DHX40: variants seen among roughly 807,000 people sequenced by gnomAD.
The protein encoded by DHX40 is probable ATP-dependent RNA helicase DHX40.
A neutral mutation model predicts 89.6 loss-of-function variants in DHX40; 28 were observed. That is an observed-to-expected ratio of 0.31 (90% confidence interval 0.23 to 0.43). DHX40 has a LOEUF of 0.43. Ranked by LOEUF, DHX40 falls within the 20% of genes least tolerant of loss-of-function variation. The probability of loss-of-function intolerance (pLI) is 1.00; values close to 1 mark genes in which losing one functional copy is unlikely to be tolerated. For synonymous variants in DHX40, 226 were observed against 283.6 expected (o/e 0.80, Z 2.04); for missense variants, 457 against 844.0 (o/e 0.54, Z 5.68).
At chr17:59,586,952 G>A (rs1283415188) in intron 11 of DHX40, among the ~76,000 whole-genome samples, 2 of 152,036 alleles carry the variant, frequency 1.3e-5, no homozygotes, top group East Asian at 3.9e-4. Flanking sequence ...CCAGTTGTTC[G>A]AGACAAGCCT....
chr17:59,602,835 G>A (rs1451842983), intron 15 of DHX40, among the ~76,000 whole-genome samples: 1 of 152,150 alleles, frequency 6.6e-6, no homozygotes, highest in Non-Finnish European at 1.5e-5. Flanking sequence ...TATGTTTGTA[G>A]GGTGGCTGTC....
rs762645262 is a variant in DHX40 at position 59,588,037 on chromosome 17, C to T, written c.1566C>T (p.Asn522=). ...TAGCAGCAATGTTGTCTGTGGAAAA[C>T]GTCTTCATTAGACCTGGTAAGATGT... ...LPIAAMLSVE[N]VFIRPVDPEY... Residue 522 remains asparagine, a synonymous_variant, in exon 12 of 18, where the codon AAC becomes AAT. Coordinates refer to ENST00000251241, the MANE Select transcript of DHX40 (RefSeq NM_024612.5). 1.5e-5 allele frequency: 24 copies of T among 1,613,290 alleles called. No individual in the cohort carries two copies. Among genetic ancestry groups the T allele is most frequent in the African/African-American group, 9.4e-5 (7 of 74,748 alleles).
In DHX40 at chr17:59,607,785, T is replaced by TA. The variant is rs1488788373; in HGVS notation, c.*616dup. Reference sequence around the variant, plus strand: ...TCTTTCTTGAATTAATATTAATCCTTAAATTGATTTTTCTGGGATTATACA... The same window carrying TA: ...TCTTTCTTGAATTAATATTAATCCTTAAAATTGATTTTTCTGGGATTATACA... On this transcript the variant is annotated 3_prime_UTR_variant, in exon 18 of 18. Coordinates refer to ENST00000251241, the MANE Select transcript of DHX40 (RefSeq NM_024612.5). 1 of 152,900 alleles carries TA rather than the reference T, an allele frequency of 6.5e-6. No individual in the cohort carries two copies. The highest frequency in any genetic ancestry group is 1.5e-5 in the Non-Finnish European group (1 of 68,360). 9.5% of individuals were successfully genotyped at this position (152,900 alleles called of 1,614,324 possible).
At chr17:59,568,504 C>T (rs2048740449) in intron 2 of DHX40, among the ~76,000 whole-genome samples, 1 of 152,084 alleles carries the variant, frequency 6.6e-6, no homozygotes, top group African/African-American at 2.4e-5. Context: ...TAATACCAAA[C>T]CCTGCATATA....
intron 12 of DHX40, among the ~76,000 whole-genome samples, chr17:59,597,664 C>T (rs1438456024): frequency 5.3e-5 from 8 of 151,684 alleles, no homozygotes; most frequent in Admixed American, 2.6e-4. Flanking sequence ...GGGCCGGGCA[C>T]GGTGGCTTAT....
Position 59,580,807 on chromosome 17 carries a change from C to A in DHX40, c.1343+928C>A, listed in dbSNP as rs998346714. ...CCTGTTTCAAAAGAAGGGGGCTGGG[C>A]GTGGTGGCTCACGTCTGTAATCCTA... is the stretch of plus-strand genomic sequence containing the variant. On this transcript the variant is annotated intron_variant, in intron 10 of 17. Transcript: ENST00000251241. 4.6e-3 allele frequency among the ~76,000 whole-genome samples: 699 copies of A among 150,610 alleles called. 3 individuals carry two copies. Among genetic ancestry groups the A allele is most frequent in the African/African-American group, 0.016 (642 of 40,540 alleles).
chr17:59,607,309 A>G lies in DHX40; in HGVS notation c.*137A>G. On this transcript the variant is annotated 3_prime_UTR_variant, in exon 18 of 18. Transcript: ENST00000251241. ...TGGCCTATGAACTAAAAGCAAATCAAAGCTCATAAATCAAAGCTCATCAGT... is the reference window on the plus strand; with the variant it reads ...TGGCCTATGAACTAAAAGCAAATCAGAGCTCATAAATCAAAGCTCATCAGT... The G allele has an allele frequency of 1.3e-6, 2 of 1,546,198 alleles. No individual in the cohort carries two copies. The highest frequency in any genetic ancestry group is 2.3e-5 in the South Asian group (2 of 87,332).
intron 16 of DHX40, 32 bp from the exon 17 acceptor site, chr17:59,605,414 G>A: frequency 6.3e-7 from 1 of 1,588,930 alleles, no homozygotes; most frequent in Non-Finnish European, 8.6e-7. Flanking sequence ...AGGTTATTGA[G>A]TTACCATCAT....
chr17:59,568,293 A>G (rs2048737180), intron 2 of DHX40, among the ~76,000 whole-genome samples: 1 of 152,216 alleles, frequency 6.6e-6, no homozygotes, highest in African/African-American at 2.4e-5. Flanking sequence ...GTCATTCAGT[A>G]TGACAGAACT....
Position 59,565,810 on chromosome 17 carries a change from C to T in DHX40, c.112+27C>T, listed in dbSNP as rs768661983. Reference sequence around the variant, plus strand: ...TGCGGTCCGCGGGACGGTACGGAAGCCAGCGGGAGTTACGGCGTGGGGGTT... The same window carrying T: ...TGCGGTCCGCGGGACGGTACGGAAGTCAGCGGGAGTTACGGCGTGGGGGTT... On this transcript the variant is annotated intron_variant, in intron 1 of 17. Transcript: ENST00000251241. 3.2e-6 allele frequency: 5 copies of T among 1,566,780 alleles called. No homozygotes were observed. In the South Asian group the frequency reaches 4.5e-5, roughly 14 times the overall value.
At chr17:59,588,701 A>G (rs1348713573) in intron 12 of DHX40, among the ~76,000 whole-genome samples, 1 of 152,104 alleles carries the variant, frequency 6.6e-6, no homozygotes, top group Non-Finnish European at 1.5e-5. Flanking sequence ...GATCTTTTGT[A>G]AATATTTTCT....
intron 12 of DHX40, among the ~76,000 whole-genome samples, chr17:59,590,464 T>A (rs2049065955): frequency 6.6e-6 from 1 of 151,416 alleles, no homozygotes; most frequent in Non-Finnish European, 1.5e-5. Flanking sequence ...TTTTTTAATT[T>A]AAAAAATTTT....
chr17:59,598,012 A>G (rs966367087), intron 12 of DHX40, among the ~76,000 whole-genome samples: 1 of 148,552 alleles, frequency 6.7e-6, no homozygotes, highest in Non-Finnish European at 1.5e-5. Context: ...GACTACAGGC[A>G]TGCATCACCA....
chr17:59,567,487 A>G (rs1394213526), intron 2 of DHX40, among the ~76,000 whole-genome samples: 1 of 152,194 alleles, frequency 6.6e-6, no homozygotes, highest in Admixed American at 6.5e-5. Context: ...GAAATGAGCA[A>G]TCTGCTTTTT....
At chr17:59,568,889 A>G (rs1046961205) in intron 2 of DHX40, among the ~76,000 whole-genome samples, 16 of 151,320 alleles carry the variant, frequency 1.1e-4, no homozygotes, top group African/African-American at 3.9e-4. Context: ...TTTTTTTGAG[A>G]TGAGATCTTA....
rs563026905 is a variant in DHX40, at chr17:59,565,982, G to T, written c.112+199G>T. Reference sequence around the variant, plus strand: ...GGGGGGCGGTCCCAGATTCAAGTTAGGCGAAAACCTTACTGGGGGGCGAAA... The same window carrying T: ...GGGGGGCGGTCCCAGATTCAAGTTATGCGAAAACCTTACTGGGGGGCGAAA... On this transcript the variant is annotated intron_variant, in intron 1 of 17. Transcript: ENST00000251241. Among the ~76,000 whole-genome samples, 80 of 152,110 alleles carry T rather than the reference G, an allele frequency of 5.3e-4. 1 individual carries two copies. The highest frequency in any genetic ancestry group is 9.9e-4 in the Non-Finnish European group (67 of 67,982).
At chr17:59,565,840 T>TG (rs1023521096) in intron 1 of DHX40, 57 bp downstream of exon 1, 8 of 1,430,440 alleles carry the variant, frequency 5.6e-6, no homozygotes, top group African/African-American at 4.3e-5. Context: ...GGGGTTTTGG[T>TG]GGGGGGATGA....
intron 12 of DHX40, among the ~76,000 whole-genome samples, chr17:59,590,443 T>G (rs896332994): frequency 2.7e-5 from 4 of 149,882 alleles, no homozygotes; most frequent in Middle Eastern, 3.2e-3. Flanking sequence ...TCAAATAGTT[T>G]GCAGTCTTTT....
chr17:59,586,562 A>G (rs953290162), intron 11 of DHX40, among the ~76,000 whole-genome samples: 3 of 151,608 alleles, frequency 2.0e-5, no homozygotes, highest in African/African-American at 7.3e-5. Flanking sequence ...GCTACTCGGG[A>G]GGCTGAGGCA....
Sources: allele counts gnomAD v4.1 joint callset (sites outside exome capture counted in the v4.1 genomes callset), GRCh38; gene constraint gnomAD v4.1.1; transcripts MANE v1.5; gene names NCBI Gene and HGNC (gene_info 2026-07-23, HGNC 2026-07-21).